Variants in PCDHGA8 observed in about 807,000 individuals in gnomAD.
PCDHGA8 encodes protocadherin gamma subfamily A, 8.
PCDHGA8 carries 45 observed loss-of-function variants against 59.2 expected under a neutral mutation model. The ratio of observed to expected loss-of-function variants is 0.76; its 90% CI spans 0.60 to 0.98. The LOEUF (loss-of-function observed/expected upper bound fraction) is 0.98, where lower values mean the gene tolerates loss of function less well. PCDHGA8 is among the 50% of genes least tolerant of loss of function. The pLI is 0.00. For missense variants in PCDHGA8, 1,257 were observed against 1,196.2 expected, an observed-to-expected ratio of 1.05 and a Z score of -0.75; for synonymous variants, 531 against 519.0, an observed-to-expected ratio of 1.02 and a Z score of -0.32.
rs765690531 is a variant in PCDHGA8, at chr5:141,404,329, C to T, written c.2424+9092C>T. 6.8e-5 allele frequency: 110 copies of T among 1,613,772 alleles called. No homozygotes were observed. The East Asian group carries it at 2.4e-3, about 36-fold the overall frequency. On this transcript the variant is annotated intron_variant, in intron 1 of 3. Coordinates refer to ENST00000398604, the MANE Select transcript of PCDHGA8 (RefSeq NM_032088.2). ...CTTTCTCTCAAGCCTCCTACTCAGTCTACCTCCCGGAAAACAACGCCAGAG... is the reference window on the plus strand; with the variant it reads ...CTTTCTCTCAAGCCTCCTACTCAGTTTACCTCCCGGAAAACAACGCCAGAG...
Position 141,395,218 on chromosome 5 carries a change from A to G in PCDHGA8, c.2405A>G (p.Asn802Ser). Residue 802 changes from asparagine to serine, a missense_variant, in exon 1 of 4, where the codon AAT becomes AGT. Transcript: ENST00000398604. ...LTSVDFHEYK[N>S]EADHGQQAPP... is the part of the protein sequence containing the mutation. ...TCCGTAGATTTTCATGAATATAAGA[A>G]TGAAGCTGATCATGGTCAGGTGAGT... The G allele has an allele frequency of 1.2e-6, 2 of 1,612,142 alleles. No homozygotes were observed. The highest frequency in any genetic ancestry group is 1.7e-6 in the Non-Finnish European group (2 of 1,178,722).
chr5:141,422,670 C>CA (rs754910458), intron 1 of PCDHGA8: 6 of 1,607,126 alleles, frequency 3.7e-6, no homozygotes, highest in Non-Finnish European at 1.7e-6. Flanking sequence ...TCGACCCGGA[C>CA]AGCAAACAGA....
chr5:141,408,965 C>T lies in PCDHGA8; in HGVS notation c.2424+13728C>T, dbSNP rs767484272. The T allele has an allele frequency of 1.5e-5, 25 of 1,613,688 alleles. No homozygotes were observed. The Admixed American group carries it at 4.2e-4, about 27-fold the overall frequency. On this transcript the variant is annotated intron_variant, in intron 1 of 3. Transcript: ENST00000398604. ...ATATAGAATTAGTCTTAGTGAAAATCTGCCCCCTGGGTCCCCTGTGTTGCA... is the reference window on the plus strand; with the variant it reads ...ATATAGAATTAGTCTTAGTGAAAATTTGCCCCCTGGGTCCCCTGTGTTGCA...
intron 1 of PCDHGA8, among the ~76,000 whole-genome samples, chr5:141,461,768 C>T (rs532591390): frequency 1.3e-5 from 2 of 152,016 alleles, no homozygotes; most frequent in African/African-American, 4.8e-5. Context: ...ATTCTCCTGC[C>T]TCAGCCTCCC....
chr5:141,460,333 G>A (rs2098986532), intron 1 of PCDHGA8, among the ~76,000 whole-genome samples: 1 of 152,056 alleles, frequency 6.6e-6, no homozygotes, highest in African/African-American at 2.4e-5. Context: ...AACTTATGAT[G>A]ATTTTCTCCT....
At chr5:141,465,792 T>A (rs1262092940) in intron 1 of PCDHGA8, among the ~76,000 whole-genome samples, 2 of 152,018 alleles carry the variant, frequency 1.3e-5, no homozygotes, top group Non-Finnish European at 2.9e-5. Flanking sequence ...TTTTTTTTTT[T>A]AAGAAACCCT....
chr5:141,489,126 T>G lies in PCDHGA8; in HGVS notation c.2425-5681T>G. 31 of 585,108 alleles carry G rather than the reference T, an allele frequency of 5.3e-5. No homozygotes were observed. Among genetic ancestry groups the G allele is most frequent in the South Asian group, 1.3e-4 (4 of 31,402 alleles). 36.2% of individuals were successfully genotyped at this position (585,108 alleles called of 1,614,324 possible). On this transcript the variant is annotated intron_variant, in intron 1 of 3. Transcript: ENST00000398604. The surrounding 1 kb of genome is among the most constrained non-coding windows in gnomAD (Gnocchi z 4.5). ...TGCAAGCAGGCAAACCTCCGAGCAG[T>G]TTTTAAGAGGCTGGAAGGAGACATA...
chr5:141,491,441 A>G lies in PCDHGA8; in HGVS notation c.2425-3366A>G, dbSNP rs776616506. 1.2e-6 allele frequency: 2 copies of G among 1,614,146 alleles called. No homozygotes were observed. The highest frequency in any genetic ancestry group is 1.7e-6 in the Non-Finnish European group (2 of 1,180,032). ...GGTGGAGGGCAGTGCTGCAGGCGCCAGGACTCACCCTCCCCGGACTTCTAT... is the reference window on the plus strand; with the variant it reads ...GGTGGAGGGCAGTGCTGCAGGCGCCGGGACTCACCCTCCCCGGACTTCTAT... On this transcript the variant is annotated intron_variant, in intron 1 of 3. Coordinates refer to ENST00000398604, the MANE Select transcript of PCDHGA8 (RefSeq NM_032088.2). The surrounding 1 kb of genome is among the most constrained non-coding windows in gnomAD (Gnocchi z 6.9).
chr5:141,499,921 C>A, intron 2 of PCDHGA8, among the ~76,000 whole-genome samples: 1 of 152,128 alleles, frequency 6.6e-6, no homozygotes, highest in Middle Eastern at 3.2e-3. Context: ...CTCCTGGCCT[C>A]AAGTGATCCA....
In PCDHGA8 at chr5:141,393,113, G is replaced by T. The variant is rs1296597974; in HGVS notation, c.300G>T (p.Pro100=). Residue 100 remains proline, a synonymous_variant, in exon 1 of 4, where the codon CCG becomes CCT. Transcript: ENST00000398604. ...GGGAGGAGCTCTGCGCTCAGAGCCC[G>T]CGGTGTCTGATAAATATTAACACCC... The part of the protein sequence containing the change: ...IDREELCAQS[P]RCLININTLV... The T allele has an allele frequency of 6.2e-7, 1 of 1,613,500 alleles. No individual in the cohort carries two copies.
intron 1 of PCDHGA8, chr5:141,421,807 G>C (rs1435916603): frequency 6.2e-7 from 1 of 1,613,852 alleles, no homozygotes; most frequent in Admixed American, 1.7e-5. Flanking sequence ...CAAGAATCCA[G>C]AGCTAGTACT....
At chr5:141,451,060 C>T (rs1241509553) in intron 1 of PCDHGA8, among the ~76,000 whole-genome samples, 1 of 151,562 alleles carries the variant, frequency 6.6e-6, no homozygotes, top group African/African-American at 2.4e-5. Context: ...GAACTCCTGA[C>T]CTTGTGATCC....
chr5:141,409,952 C>A (rs892751686), intron 1 of PCDHGA8: 2 of 1,613,350 alleles, frequency 1.2e-6, no homozygotes, highest in Non-Finnish European at 1.7e-6. Context: ...CTCTGCAGAG[C>A]CCGGCTACCT....
chr5:141,395,813 A>G (rs1201631661), intron 1 of PCDHGA8: 2 of 152,062 alleles, frequency 1.3e-5, no homozygotes, highest in East Asian at 3.9e-4. Context: ...CAAAACATGA[A>G]CAAACTTTAA....
rs532216579 is a variant in PCDHGA8, at chr5:141,419,369, T to G, written c.2424+24132T>G. 631 of 1,613,750 alleles carry G rather than the reference T, an allele frequency of 3.9e-4. 5 individuals carry two copies. In the East Asian group the frequency reaches 0.013, roughly 33 times the overall value. On this transcript the variant is annotated intron_variant, in intron 1 of 3. Coordinates refer to ENST00000398604, the MANE Select transcript of PCDHGA8 (RefSeq NM_032088.2). ...CCTGGAGTCACGAACGCTGTCGTCC[T>G]ACGTGTCCGTGAGCGCGCAGAGCGG...
intron 1 of PCDHGA8, among the ~76,000 whole-genome samples, chr5:141,472,889 G>A (rs1163806093): frequency 6.6e-6 from 1 of 151,392 alleles, no homozygotes; most frequent in Non-Finnish European, 1.5e-5. Context: ...GGGAGGCTGA[G>A]GCAGGAGAAT....
At chr5:141,455,058 C>G (rs1350223657) in intron 1 of PCDHGA8, among the ~76,000 whole-genome samples, 9 of 151,814 alleles carry the variant, frequency 5.9e-5, no homozygotes, top group Admixed American at 5.9e-4. Context: ...GTGATCCGCC[C>G]GCCTCGGCCT....
At chr5:141,398,989 T>G (rs766277028) in intron 1 of PCDHGA8, 2 of 1,613,796 alleles carry the variant, frequency 1.2e-6, no homozygotes, top group Non-Finnish European at 1.7e-6. Flanking sequence ...CGGGCAAATC[T>G]TTAGTCTGAA....
chr5:141,403,850 G>A lies in PCDHGA8; in HGVS notation c.2424+8613G>A, dbSNP rs368454282. The A allele has an allele frequency of 1.4e-5, 23 of 1,613,634 alleles. No individual in the cohort carries two copies. In the African/African-American group the frequency reaches 3.1e-4, roughly 22 times the overall value. On this transcript the variant is annotated intron_variant, in intron 1 of 3. Coordinates refer to ENST00000398604, the MANE Select transcript of PCDHGA8 (RefSeq NM_032088.2). Reference sequence around the variant, plus strand: ...ATTCCAGCTTAATGAAAATACTGGGGAAATATCAACAGCAAAAAGTCTAGA... The same window carrying A: ...ATTCCAGCTTAATGAAAATACTGGGAAAATATCAACAGCAAAAAGTCTAGA...
Sources: gnomAD v4.1 joint callset for allele counts (sites outside exome capture counted in the v4.1 genomes callset) on GRCh38, gnomAD v4.1.1 for gene constraint, Gnocchi (gnomAD v3.1) non-coding constraint, MANE v1.5 for transcripts, NCBI Gene and HGNC (gene_info 2026-07-23, HGNC 2026-07-21) for gene names.